The following XKR6 variants were observed in gnomAD, a reference collection of about 807,000 sequenced individuals.
XKR6 encodes the protein XK related 6.
Under a neutral mutation model 56.7 loss-of-function variants are expected in XKR6, and 22 were observed. The ratio of observed to expected loss-of-function variants is 0.39; its 90% CI spans 0.28 to 0.55. The LOEUF is 0.55. XKR6 is among the 20% of genes least tolerant of loss of function. XKR6 has a pLI of 0.66. For missense variants in XKR6, 852 were observed against 889.0 expected (o/e 0.96, Z 0.53); for synonymous variants, 524 against 387.8 (o/e 1.35, Z -4.13).
chr8:10,911,313 G>A (rs1800355481), intron 2 of XKR6, among the ~76,000 whole-genome samples: 1 of 140,502 alleles, frequency 7.1e-6, no homozygotes, highest in Admixed American at 7.3e-5. Context: ...TGTAGAGAGA[G>A]AGGGTGAGTA....
At chr8:11,078,362 C>G (rs1800328312) in intron 1 of XKR6, among the ~76,000 whole-genome samples, 1 of 152,200 alleles carries the variant, frequency 6.6e-6, no homozygotes, top group Non-Finnish European at 1.5e-5. Flanking sequence ...CAAGAACACA[C>G]AGCTTTCAAA....
intron 1 of XKR6, among the ~76,000 whole-genome samples, chr8:11,008,749 A>T (rs1016615367): frequency 6.6e-6 from 1 of 151,980 alleles, no homozygotes; most frequent in African/African-American, 2.4e-5. Context: ...CGGTGGACAC[A>T]TGTCTGGGCT....
intron 1 of XKR6, among the ~76,000 whole-genome samples, chr8:10,953,340 G>C (rs1416360410): frequency 1.3e-5 from 2 of 151,990 alleles, no homozygotes; most frequent in African/African-American, 4.8e-5. Context: ...AAAGTGTGTG[G>C]CACCTTCTTT....
At chr8:11,049,468 G>A (rs201912482) in intron 1 of XKR6, among the ~76,000 whole-genome samples, 13 of 152,204 alleles carry the variant, frequency 8.5e-5, no homozygotes, top group East Asian at 7.8e-4. Flanking sequence ...AGGGGGCTGC[G>A]GGAATTAGCC....
intron 1 of XKR6, among the ~76,000 whole-genome samples, chr8:10,987,665 T>G (rs1797893011): frequency 6.6e-6 from 1 of 152,176 alleles, no homozygotes; most frequent in Admixed American, 6.5e-5. Context: ...CCCTGTCTCT[T>G]CTCTGCTCAA....
intron 1 of XKR6, among the ~76,000 whole-genome samples, chr8:11,075,361 A>C (rs1181797410): frequency 6.6e-6 from 1 of 152,100 alleles, no homozygotes; most frequent in Non-Finnish European, 1.5e-5. Context: ...TCTGCCAATG[A>C]AGCTCCTTCC....
intron 2 of XKR6, among the ~76,000 whole-genome samples, chr8:10,909,314 C>T (rs563855855): frequency 6.6e-5 from 10 of 152,222 alleles, no homozygotes; most frequent in South Asian, 6.2e-4. Context: ...GAGCCAAATA[C>T]GCTTCTATTC....
chr8:11,110,020 T>C (rs1404996035), intron 1 of XKR6, among the ~76,000 whole-genome samples: 1 of 152,224 alleles, frequency 6.6e-6, no homozygotes, highest in Non-Finnish European at 1.5e-5. Flanking sequence ...TCGCCCAGGC[T>C]GGAGTGCAGT....
At chr8:11,143,595 G>C (rs933838649) in intron 1 of XKR6, among the ~76,000 whole-genome samples, 2 of 152,172 alleles carry the variant, frequency 1.3e-5, no homozygotes, top group African/African-American at 2.4e-5. Context: ...TTAGTGTCTA[G>C]AAATGTATGA....
intron 1 of XKR6, among the ~76,000 whole-genome samples, chr8:11,046,127 G>A (rs1388269194): frequency 2.0e-5 from 3 of 152,036 alleles, no homozygotes; most frequent in South Asian, 2.1e-4. Context: ...GGCTGGTCAC[G>A]GTGGCTCACA....
intron 1 of XKR6, among the ~76,000 whole-genome samples, chr8:11,191,762 T>G (rs1295373585): frequency 6.6e-6 from 1 of 151,610 alleles, no homozygotes; most frequent in Non-Finnish European, 1.5e-5. Flanking sequence ...ATTCATAAAT[T>G]TTTATCAAGT....
intron 1 of XKR6, among the ~76,000 whole-genome samples, chr8:11,126,258 G>C (rs775673866): frequency 6.6e-6 from 1 of 151,888 alleles, no homozygotes; most frequent in Non-Finnish European, 1.5e-5. Flanking sequence ...TAGTAAAGAC[G>C]GGGTTCACTA....
chr8:10,925,475 G>T (rs1312874568), intron 1 of XKR6, among the ~76,000 whole-genome samples: 1 of 152,140 alleles, frequency 6.6e-6, no homozygotes, highest in African/African-American at 2.4e-5. Flanking sequence ...GGACATCAGG[G>T]GGACCCAGGG....
At chr8:11,135,457 G>A (rs372851987) in intron 1 of XKR6, among the ~76,000 whole-genome samples, 1 of 152,152 alleles carries the variant, frequency 6.6e-6, no homozygotes, top group African/African-American at 2.4e-5. Flanking sequence ...GTTTAATATT[G>A]CTATCTTTAA....
chr8:11,128,695 T>C (rs567453525), intron 1 of XKR6: 6 of 382,380 alleles, frequency 1.6e-5, no homozygotes, highest in Non-Finnish European at 3.1e-5. Context: ...TGTTGTTAAA[T>C]GGCTGTTCAT....
At chr8:10,946,554 G>A (rs952717455) in intron 1 of XKR6, among the ~76,000 whole-genome samples, 1 of 151,888 alleles carries the variant, frequency 6.6e-6, no homozygotes. Context: ...GTGTCCTGCG[G>A]TTTTCCCTCC....
chr8:11,089,592 G>T (rs1052673077), intron 1 of XKR6, among the ~76,000 whole-genome samples: 1 of 152,150 alleles, frequency 6.6e-6, no homozygotes, highest in Non-Finnish European at 1.5e-5. Context: ...AGCTATGACT[G>T]TTCTACTGTA....
chr8:10,956,399 A>G (rs565205534), intron 1 of XKR6, among the ~76,000 whole-genome samples: 15 of 152,258 alleles, frequency 9.9e-5, no homozygotes, highest in Middle Eastern at 3.4e-3. Context: ...CATCTGCAGG[A>G]TCTGCCCAAC....
At chr8:10,906,558 T>C (rs534021349) in intron 2 of XKR6, among the ~76,000 whole-genome samples, 63 of 152,368 alleles carry the variant, frequency 4.1e-4, no homozygotes, top group South Asian at 8.3e-4. Context: ...TAATTGCGGT[T>C]TTGCCATTGT....
Sources: gnomAD v4.1 joint callset for allele counts (sites outside exome capture counted in the v4.1 genomes callset) on GRCh38, gnomAD v4.1.1 for gene constraint, MANE v1.5 for transcripts, NCBI Gene and HGNC (gene_info 2026-07-23, HGNC 2026-07-21) for gene names.